The following ZNF75D variants were observed in gnomAD, a reference collection of about 807,000 sequenced individuals.
The protein encoded by ZNF75D is zinc finger protein 75D.
Under a neutral mutation model 33.3 loss-of-function variants are expected in ZNF75D, and 33 were observed. The observed-to-expected ratio is 0.99, with a 90% CI of 0.75 to 1.32. The LOEUF is 1.32. Ranked by LOEUF, ZNF75D falls within the 40% of genes most tolerant of loss-of-function variation. ZNF75D has a pLI of 0.00. For missense variants in ZNF75D, 338 were observed against 367.5 expected, an observed-to-expected ratio of 0.92 and a Z score of 0.66; for synonymous variants, 113 against 130.6, an observed-to-expected ratio of 0.87 and a Z score of 0.92.
intron 2 of ZNF75D, chrX:135,252,192 G>A (rs2148456793): frequency 9.6e-6 from 1 of 103,640 alleles, no homozygotes; most frequent in African/African-American, 3.7e-5. Flanking sequence ...TTTGGTAATG[G>A]GGGGAGGTTA....
intron 1 of ZNF75D, among the ~76,000 whole-genome samples, chrX:135,275,910 T>A (rs369792246): frequency 1.8e-5 from 2 of 111,545 alleles, no homozygotes; most frequent in South Asian, 3.7e-4. Flanking sequence ...AGAATTTGAG[T>A]CATATTTCTC....
chrX:135,306,215 T>C (rs781998840), intron 1 of ZNF75D, among the ~76,000 whole-genome samples: 74 of 107,839 alleles, frequency 6.9e-4, no homozygotes, highest in African/African-American at 2.5e-3. Context: ...GACTTCAGAG[T>C]GTCCCTGAGC....
intron 1 of ZNF75D, among the ~76,000 whole-genome samples, chrX:135,320,019 G>A (rs1418189574): frequency 8.9e-6 from 1 of 112,448 alleles, no homozygotes; most frequent in Non-Finnish European, 1.9e-5. Flanking sequence ...TCTTGGCTGG[G>A]TGAGGTGGCT....
In ZNF75D at chrX:135,286,882, T is replaced by C. The variant is rs1356215994; in HGVS notation, c.*255A>G. 2.7e-5 allele frequency: 10 copies of C among 363,685 alleles called. No homozygotes were observed. Among genetic ancestry groups the C allele is most frequent in the Middle Eastern group, 7.3e-4 (1 of 1,364 alleles). 30.0% of individuals were successfully genotyped at this position (363,685 alleles called of 1,213,427 possible). Reference sequence around the variant, plus strand: ...CTTTGAATAACCAGATATATACATATAGATAGATAGCTAAAGGAATCTCAT... The same window carrying C: ...CTTTGAATAACCAGATATATACATACAGATAGATAGCTAAAGGAATCTCAT... On this transcript the variant is annotated 3_prime_UTR_variant, in exon 7 of 7. Coordinates refer to ENST00000370766, the MANE Select transcript of ZNF75D (RefSeq NM_007131.5).
chrX:135,270,352 CATATATATAT>C (rs530211370), intron 1 of ZNF75D, among the ~76,000 whole-genome samples: 1,176 of 63,472 alleles, frequency 0.019, 22 homozygotes, highest in African/African-American at 0.044. Context: ...CAAAATATCT[CATATATATAT>C]ATATATATAT....
chrX:135,286,946 A>T lies in ZNF75D; in HGVS notation c.*191T>A, dbSNP rs1321592694. 2.4e-6 allele frequency: 1 copy of T among 422,631 alleles called. No homozygotes were observed. The highest frequency in any genetic ancestry group is 4.9e-5 in the Admixed American group (1 of 20,361). 34.8% of individuals were successfully genotyped at this position (422,631 alleles called of 1,213,427 possible). A position where few individuals can be genotyped will look rare whatever the true frequency, so the allele number is the denominator to read the frequency against. On this transcript the variant is annotated 3_prime_UTR_variant, in exon 7 of 7. Coordinates refer to ENST00000370766, the MANE Select transcript of ZNF75D (RefSeq NM_007131.5). ...TTTTTTTATTTATAAAGTACTCCTTATGTATCAACTCTTGTGCTAGGCACA... is the reference window on the plus strand; with the variant it reads ...TTTTTTTATTTATAAAGTACTCCTTTTGTATCAACTCTTGTGCTAGGCACA...
intron 1 of ZNF75D, among the ~76,000 whole-genome samples, chrX:135,260,532 T>C (rs782280255): frequency 1.5e-4 from 17 of 112,168 alleles, no homozygotes; most frequent in Admixed American, 6.6e-4. Flanking sequence ...GGAGGGTGTA[T>C]GTGTCCAGGA....
At chrX:135,271,631 C>A (rs1407510834) in intron 1 of ZNF75D, among the ~76,000 whole-genome samples, 2 of 112,003 alleles carry the variant, frequency 1.8e-5, no homozygotes, top group East Asian at 5.6e-4. Flanking sequence ...ATGGGAGTCA[C>A]AGCATGTTCT....
At chrX:135,318,089 T>TA (rs67277814) in intron 1 of ZNF75D, among the ~76,000 whole-genome samples, 16,026 of 82,360 alleles carry the variant, frequency 0.19, 1,492 homozygotes, top group Middle Eastern at 0.34. Context: ...ATATATATAT[T>TA]TTTTTTTTTT....
intron 1 of ZNF75D, among the ~76,000 whole-genome samples, chrX:135,306,545 T>C (rs2084289639): frequency 1.8e-5 from 2 of 112,093 alleles, no homozygotes; most frequent in Admixed American, 9.5e-5. Flanking sequence ...CTTCGCATTT[T>C]TTCCAGTATA....
At position 135,249,362 on chromosome X, in the gene ZNF75D, C is replaced by T; in HGVS notation, n.1297-61G>A. On this transcript the variant is annotated intron_variant and non_coding_transcript_variant, in intron 3 of 3. Transcript: ENST00000494295. ...GAGAAGCATCAAGTAGCCCCAGAAG[C>T]CTCTCTGCACTTCTCCTCCCTAACA... The T allele has an allele frequency of 1.2e-5, 3 of 251,879 alleles. No individual in the cohort carries two copies. The Middle Eastern group carries it at 4.3e-3, about 360-fold the overall frequency. The allele number at this position is 251,879 out of a possible 1,213,427, so 20.8% of individuals were successfully genotyped here.
chrX:135,287,335 TC>T lies in ZNF75D; in HGVS notation c.1334del (p.Gly445GlufsTer62). The T allele has an allele frequency of 2.5e-6, 3 of 1,212,017 alleles. No individual in the cohort carries two copies. The highest frequency in any genetic ancestry group is 3.3e-6 in the Non-Finnish European group (3 of 895,525). ...NLHTHQRIHT[G>X]EKPFKCDECG... ...ATTCATCACATTTAAAGGGCTTCTC[TC>T]CTGTGTGAATTCTTTGGTGTGTGTG... On this transcript the variant is annotated frameshift_variant, in exon 7 of 7. Coordinates refer to ENST00000370766, the MANE Select transcript of ZNF75D (RefSeq NM_007131.5). LOFTEE classifies it high-confidence loss of function.
intron 1 of ZNF75D, among the ~76,000 whole-genome samples, chrX:135,299,383 A>C (rs1434974960): frequency 2.7e-5 from 3 of 112,234 alleles, no homozygotes; most frequent in African/African-American, 9.7e-5. Context: ...CCTTATAATT[A>C]ATGATATTGA....
At position 135,291,539 on chromosome X, in the gene ZNF75D, G is replaced by C; in HGVS notation, c.629C>G (p.Ala210Gly). Residue 210 changes from alanine (A) to glycine (G), a missense_variant, in exon 5 of 7, where the codon GCC (alanine) becomes GGC (glycine). By Grantham distance (60) the Ala-to-Gly change is moderately conservative. Transcript: ENST00000370766. The stretch of plus-strand genomic sequence containing the variant: ...TTTGATTCTTTTCTGCTCAGAAAGG[G>C]CTAACATCTGTTGATCATGCACAGC... ...ERAVHDQQML[A>G]LSEQKRIKHW... The C allele has an allele frequency of 8.3e-7, 1 of 1,210,030 alleles. No individual in the cohort carries two copies. Among genetic ancestry groups the C allele is most frequent in the Non-Finnish European group, 1.1e-6 (1 of 893,780 alleles).
intron 1 of ZNF75D, among the ~76,000 whole-genome samples, chrX:135,325,718 G>A (rs1400778575): frequency 8.9e-6 from 1 of 112,928 alleles, no homozygotes; most frequent in African/African-American, 3.2e-5. Context: ...CCTGCAGCCC[G>A]CCATGCCTGA....
At position 135,287,029 on chromosome X, in the gene ZNF75D, T is replaced by C. The variant is rs2083962715; in HGVS notation, c.*108A>G. Reference sequence around the variant, plus strand: ...AGATTCCTTTTTGTGAAGTGTAACATGTACCCTTCCCAAATGTTTTATTAA... The same window carrying C: ...AGATTCCTTTTTGTGAAGTGTAACACGTACCCTTCCCAAATGTTTTATTAA... On this transcript the variant is annotated 3_prime_UTR_variant, in exon 7 of 7. Transcript: ENST00000370766. The C allele has an allele frequency of 3.0e-6, 2 of 657,979 alleles. No homozygotes were observed. The highest frequency in any genetic ancestry group is 3.2e-5 in the Admixed American group (1 of 31,430). 54.2% of individuals were successfully genotyped at this position (657,979 alleles called of 1,213,427 possible).
intron 1 of ZNF75D, among the ~76,000 whole-genome samples, chrX:135,320,978 A>G (rs1453110166): frequency 9.0e-6 from 1 of 111,614 alleles, no homozygotes; most frequent in African/African-American, 3.3e-5. Context: ...GCTATAACAG[A>G]TTATCACAGA....
chrX:135,308,986 A>G (rs1556426684), intron 1 of ZNF75D, among the ~76,000 whole-genome samples: 1 of 111,988 alleles, frequency 8.9e-6, no homozygotes, highest in Admixed American at 9.5e-5. Context: ...ATGTAAAATA[A>G]TGAATTTTGT....
chrX:135,274,613 G>T, intron 1 of ZNF75D, among the ~76,000 whole-genome samples: 1 of 111,721 alleles, frequency 9.0e-6, no homozygotes, highest in Non-Finnish European at 1.9e-5. Context: ...TTAAAAGTAT[G>T]GTTAACAAGG....
Sources: gnomAD v4.1 joint callset for allele counts (sites outside exome capture counted in the v4.1 genomes callset) on GRCh38, gnomAD v4.1.1 for gene constraint, MANE v1.5 for transcripts, NCBI Gene and HGNC (gene_info 2026-07-23, HGNC 2026-07-21) for gene names.